Variants in CCR5AS observed in about 807,000 individuals in gnomAD.
The protein encoded by CCR5AS is CCR5 antisense RNA.
intron 2 of CCR5AS, among the ~76,000 whole-genome samples, chr3:46,381,686 CA>C (rs1701818323): frequency 6.6e-6 from 1 of 152,194 alleles, no homozygotes; most frequent in Non-Finnish European, 1.5e-5. Context: ...AAAGACTATT[CA>C]AAAATCCTTT....
chr3:46,402,098 T>C (rs1702010115), intron 1 of CCR5AS, among the ~76,000 whole-genome samples: 1 of 152,218 alleles, frequency 6.6e-6, no homozygotes, highest in Non-Finnish European at 1.5e-5. Context: ...TCCTTTTTTT[T>C]ACACTTTTTA....
At chr3:46,405,868 C>G (rs946962222) in intron 1 of CCR5AS, among the ~76,000 whole-genome samples, 9 of 151,806 alleles carry the variant, frequency 5.9e-5, no homozygotes, top group African/African-American at 2.2e-4. Context: ...CGCCCCTCCT[C>G]CTCCTTCTTC....
chr3:46,404,482 C>A (rs1394968139), intron 1 of CCR5AS, among the ~76,000 whole-genome samples: 1 of 151,728 alleles, frequency 6.6e-6, no homozygotes, highest in African/African-American at 2.4e-5. Context: ...TTACGGGCAC[C>A]CATCGCCACC....
At chr3:46,365,200 G>A (rs1331524770) in intron 3 of CCR5AS, among the ~76,000 whole-genome samples, 1 of 152,166 alleles carries the variant, frequency 6.6e-6, no homozygotes, top group Non-Finnish European at 1.5e-5. Context: ...GAAATCTTTT[G>A]TGAAGGGAAG....
rs1220058040 is a variant in CCR5AS, at chr3:46,372,947, T to C, written n.392-1530A>G. On this transcript the variant is annotated intron_variant and non_coding_transcript_variant, in intron 2 of 3. Coordinates refer to ENST00000451485, the Ensembl canonical transcript of CCR5AS. ...GTCCAATCTATGACATCAATTATTA[T>C]ACATCGGAGCCCTGCCAAAAAATCA... The C allele has an allele frequency of 3.7e-6, 6 of 1,609,526 alleles. No homozygotes were observed. In the South Asian group the frequency reaches 4.4e-5, roughly 12 times the overall value.
chr3:46,391,138 T>C (rs1047523673), intron 2 of CCR5AS, among the ~76,000 whole-genome samples: 2 of 152,042 alleles, frequency 1.3e-5, no homozygotes, highest in Non-Finnish European at 2.9e-5. Context: ...TGATTTCCAG[T>C]GGGGTCTCGC....
intron 2 of CCR5AS, among the ~76,000 whole-genome samples, chr3:46,380,347 A>C (rs3181039): frequency 0.3 from 45,792 of 152,146 alleles, 7,849 homozygotes; most frequent in East Asian, 0.56. Context: ...CTAAGTAGAA[A>C]GTGGGGTACA....
intron 2 of CCR5AS, chr3:46,374,878 G>C (rs773688575): frequency 6.0e-6 from 1 of 167,422 alleles, no homozygotes; most frequent in Non-Finnish European, 1.5e-5. Flanking sequence ...AGCTCAAGGC[G>C]TGAGGATGGG....
intron 1 of CCR5AS, among the ~76,000 whole-genome samples, chr3:46,402,061 C>G (rs1029987364): frequency 2.0e-5 from 3 of 152,142 alleles, no homozygotes; most frequent in Non-Finnish European, 4.4e-5. Flanking sequence ...AGCAATTTTT[C>G]AAACTTAAAT....
chr3:46,373,001 G>A, intron 2 of CCR5AS: 3 of 1,614,080 alleles, frequency 1.9e-6, no homozygotes, highest in Middle Eastern at 1.6e-4. Flanking sequence ...CCCGCCTCCT[G>A]CCTCCGCTCT....
At chr3:46,372,456 A>T (rs1331651175) in intron 2 of CCR5AS, among the ~76,000 whole-genome samples, 1 of 152,064 alleles carries the variant, frequency 6.6e-6, no homozygotes, top group Non-Finnish European at 1.5e-5. Context: ...TGAGCCCGGG[A>T]TGGTCCAGGC....
Position 46,397,100 on chromosome 3 carries a change from G to A in CCR5AS, n.164-4048C>T, listed in dbSNP as rs146755467. On this transcript the variant is annotated intron_variant and non_coding_transcript_variant, in intron 1 of 3. Coordinates refer to ENST00000451485, the Ensembl canonical transcript of CCR5AS. ...CAAGAGGCCCACACCTCACCTGGCC[G>A]GCTCCCATCCATGCGCCCTTGACTG... is the stretch of plus-strand genomic sequence containing the variant. Among the ~76,000 whole-genome samples the A allele has an allele frequency of 1.3e-3, 199 of 152,254 alleles. 1 individual carries two copies. Among genetic ancestry groups the A allele is most frequent in the Non-Finnish European group, 4.0e-4 (27 of 68,018 alleles).
intron 2 of CCR5AS, among the ~76,000 whole-genome samples, chr3:46,389,127 A>C (rs976245584): frequency 2.6e-5 from 4 of 152,126 alleles, no homozygotes; most frequent in African/African-American, 9.7e-5. Flanking sequence ...CTCTGTTGCA[A>C]AAAGTAGGGT....
chr3:46,396,255 C>T (rs1701961046), intron 1 of CCR5AS, among the ~76,000 whole-genome samples: 1 of 151,742 alleles, frequency 6.6e-6, no homozygotes, highest in South Asian at 2.1e-4. Context: ...CTCGACTGAC[C>T]CTGTGAAAAC....
intron 3 of CCR5AS, among the ~76,000 whole-genome samples, chr3:46,367,247 T>G (rs1345932332): frequency 4.0e-5 from 6 of 151,818 alleles, no homozygotes; most frequent in Non-Finnish European, 7.4e-5. Flanking sequence ...TGTGTGCATA[T>G]CAAAACTCAC....
intron 1 of CCR5AS, among the ~76,000 whole-genome samples, chr3:46,405,064 G>A (rs771688492): frequency 2.8e-4 from 42 of 152,188 alleles, no homozygotes; most frequent in Admixed American, 1.7e-3. Context: ...CCCTATTATG[G>A]CTTCAGATAT....
At chr3:46,364,616 A>G (rs1411469980) in exon 4 of CCR5AS, among the ~76,000 whole-genome samples, 2 of 147,108 alleles carry the variant, frequency 1.4e-5, no homozygotes, top group South Asian at 4.4e-4. Context: ...TATATTTCAT[A>G]AGGCTATTAA....
chr3:46,382,119 A>T (rs1701822388), intron 2 of CCR5AS, among the ~76,000 whole-genome samples: 1 of 152,224 alleles, frequency 6.6e-6, no homozygotes. Flanking sequence ...CAGCTGTGCC[A>T]ATAGGAAAAG....
chr3:46,397,476 A>G (rs1701970778), intron 1 of CCR5AS, among the ~76,000 whole-genome samples: 1 of 152,224 alleles, frequency 6.6e-6, no homozygotes, highest in Non-Finnish European at 1.5e-5. Flanking sequence ...GGGAGGCCAC[A>G]ATACACAGTG....
Sources: gnomAD v4.1 joint callset for allele counts (sites outside exome capture counted in the v4.1 genomes callset) on GRCh38, gnomAD v4.1.1 for gene constraint, MANE v1.5 for transcripts, NCBI Gene and HGNC (gene_info 2026-07-23, HGNC 2026-07-21) for gene names.